The following BLOC1S2 variants were observed in gnomAD, a reference collection of about 807,000 sequenced individuals.
BLOC1S2 encodes the protein biogenesis of lysosomal organelles complex 1 subunit 2.
In BLOC1S2, 12 loss-of-function variants were observed where a neutral mutation model predicts 19.6. That is an observed-to-expected ratio of 0.61 (90% CI 0.39 to 0.99). BLOC1S2 has a LOEUF of 0.99. BLOC1S2 is among the 50% of genes least tolerant of loss of function. BLOC1S2 has a pLI of 0.00. For synonymous variants in BLOC1S2, 66 were observed against 64.1 expected, an observed-to-expected ratio of 1.03 and a Z score of -0.14; for missense variants, 142 against 171.0, an observed-to-expected ratio of 0.83 and a Z score of 0.95.
At position 100,275,315 on chromosome 10, in the gene BLOC1S2, T is replaced by C. The variant is rs1454313055; in HGVS notation, c.*147A>G. The C allele has an allele frequency of 1.3e-6, 1 of 761,020 alleles. No homozygotes were observed. 47.1% of individuals were successfully genotyped at this position (761,020 alleles called of 1,614,324 possible). On this transcript the variant is annotated 3_prime_UTR_variant, in exon 5 of 5. Coordinates refer to ENST00000370372, the MANE Select transcript of BLOC1S2 (RefSeq NM_173809.5). The stretch of plus-strand genomic sequence containing the variant: ...TTCAGGAATAGCCACAGTCCTCCAG[T>C]TTACTCGAACGTTGAGATGTTCCTG...
In BLOC1S2 at chr10:100,286,631, G is replaced by C. The variant is rs774823522; in HGVS notation, c.29C>G (p.Ala10Gly). 1 of 1,611,698 alleles carries C rather than the reference G, an allele frequency of 6.2e-7. No homozygotes were observed. Among genetic ancestry groups the C allele is most frequent in the Non-Finnish European group, 8.5e-7 (1 of 1,178,822 alleles). The change falls in exon 1 of 5, where the codon GCG becomes GGG. Residue 10 changes from alanine to glycine, a missense_variant. Coordinates refer to ENST00000370372, the MANE Select transcript of BLOC1S2 (RefSeq NM_173809.5). ...TCGGGCGGGCTCATCACTCCGGGTC[G>C]CCAGTACGCCCTCGGCTGCCGCCGC... The part of the protein sequence containing the change: MAAAAEGVL[A>G]TRSDEPARDD...
intron 2 of BLOC1S2, among the ~76,000 whole-genome samples, chr10:100,283,102 G>A (rs959693329): frequency 6.6e-6 from 1 of 152,096 alleles, no homozygotes; most frequent in Non-Finnish European, 1.5e-5. Context: ...CACTAAACAT[G>A]GTTCCTCTTT....
intron 4 of BLOC1S2, among the ~76,000 whole-genome samples, chr10:100,279,470 C>T (rs772262630): frequency 1.6e-4 from 24 of 152,136 alleles, no homozygotes; most frequent in Non-Finnish European, 3.2e-4. Context: ...TGTGGTGGCT[C>T]ACACCTATAA....
chr10:100,276,834 C>T (rs1334270254), intron 4 of BLOC1S2, among the ~76,000 whole-genome samples: 1 of 151,850 alleles, frequency 6.6e-6, no homozygotes, highest in African/African-American at 2.4e-5. Context: ...AGTGCAGTGG[C>T]GTGATCTCGG....
At chr10:100,283,516 G>A (rs1344300030) in intron 2 of BLOC1S2, among the ~76,000 whole-genome samples, 1 of 147,284 alleles carries the variant, frequency 6.8e-6, no homozygotes, top group African/African-American at 2.5e-5. Flanking sequence ...ATCTCTCTCT[G>A]TTCTCTCTCC....
intron 4 of BLOC1S2, among the ~76,000 whole-genome samples, chr10:100,278,107 G>C (rs1362439956): frequency 1.1e-5 from 1 of 94,240 alleles, no homozygotes; most frequent in African/African-American, 4.7e-5. Context: ...GGAGGGAGGT[G>C]GGGGGGCGGT....
intron 2 of BLOC1S2, 151 bp from the exon 3 acceptor site, chr10:100,281,204 T>C: frequency 1.1e-6 from 1 of 878,604 alleles, no homozygotes; most frequent in Non-Finnish European, 1.7e-6. Flanking sequence ...TAACTCAGCC[T>C]ATGTACTCTG....
intron 2 of BLOC1S2, 23 bp from the exon 3 acceptor site, chr10:100,281,076 T>A (rs1848090744): frequency 1.2e-6 from 2 of 1,610,054 alleles, no homozygotes; most frequent in Non-Finnish European, 1.7e-6. Flanking sequence ...ACAGAAGATG[T>A]AATGTCTTTA....
rs1222045392 is a variant in BLOC1S2, at chr10:100,286,673, C to G, written c.-14G>C. ...TGCCGCCGCCATAGCGGACCCCGCGCTGTTTCCGGGCCGGGGTGCTGCGCA... is the reference window on the plus strand; with the variant it reads ...TGCCGCCGCCATAGCGGACCCCGCGGTGTTTCCGGGCCGGGGTGCTGCGCA... On this transcript the variant is annotated 5_prime_UTR_variant, in exon 1 of 5. Coordinates refer to ENST00000370372, the MANE Select transcript of BLOC1S2 (RefSeq NM_173809.5). The G allele has an allele frequency of 3.7e-6, 6 of 1,608,526 alleles. No individual in the cohort carries two copies. Among genetic ancestry groups the G allele is most frequent in the Middle Eastern group, 1.7e-4 (1 of 6,008 alleles).
At position 100,274,717 on chromosome 10, in the gene BLOC1S2, T is replaced by C. The variant is rs41290536; in HGVS notation, c.*745A>G. The stretch of plus-strand genomic sequence containing the variant: ...TAGGAAGGTATTTTATAAAATCCTT[T>C]ATTTTATGAGTGGCAATCGTCACCT... On this transcript the variant is annotated 3_prime_UTR_variant, in exon 5 of 5. Coordinates refer to ENST00000370372, the MANE Select transcript of BLOC1S2 (RefSeq NM_173809.5). 22,818 of 364,138 alleles carry C rather than the reference T, an allele frequency of 0.063. 946 individuals are homozygous for C. The highest frequency in any genetic ancestry group is 0.14 in the African/African-American group (6,722 of 48,092). 22.6% of individuals were successfully genotyped at this position (364,138 alleles called of 1,614,324 possible). A position where few individuals can be genotyped will look rare whatever the true frequency, so the allele number is the denominator to read the frequency against.
intron 4 of BLOC1S2, among the ~76,000 whole-genome samples, chr10:100,278,114 C>G (rs372839294): frequency 0.27 from 12,030 of 44,370 alleles, 2,750 homozygotes; most frequent in African/African-American, 0.6. Context: ...GGTGGGGGGG[C>G]GGTCAGCGCC....
intron 4 of BLOC1S2, among the ~76,000 whole-genome samples, chr10:100,278,627 G>C (rs1452860031): frequency 6.6e-6 from 1 of 152,232 alleles, no homozygotes; most frequent in Non-Finnish European, 1.5e-5. Flanking sequence ...ACAGATGCTT[G>C]AAGGCAGCAT....
intron 2 of BLOC1S2, among the ~76,000 whole-genome samples, chr10:100,284,655 T>A (rs565901854): frequency 6.6e-6 from 1 of 152,154 alleles, no homozygotes; most frequent in Non-Finnish European, 1.5e-5. Context: ...CACACCTGGC[T>A]AATTTTTGTA....
At chr10:100,286,421 A>G in intron 1 of BLOC1S2, 184 bp downstream of exon 1, 2 of 1,463,026 alleles carry the variant, frequency 1.4e-6, no homozygotes, top group Non-Finnish European at 1.8e-6. Flanking sequence ...CATACCCGGC[A>G]CCCCCGCTCA....
chr10:100,274,082 T>G lies in BLOC1S2; in HGVS notation c.*1380A>C, dbSNP rs890698811. ...TTCAAGACCAGCCTGGACAACATAG[T>G]GAGACTCCATCTGTATAAAAAATAA... On this transcript the variant is annotated 3_prime_UTR_variant, in exon 5 of 5. Transcript: ENST00000370372. The G allele has an allele frequency of 1.3e-5, 2 of 152,062 alleles. No individual in the cohort carries two copies. The highest frequency in any genetic ancestry group is 6.6e-5 in the Admixed American group (1 of 15,264). The allele number at this position is 152,062 out of a possible 1,614,324, so 9.4% of individuals were successfully genotyped here.
chr10:100,284,036 A>C (rs1470285511), intron 2 of BLOC1S2, among the ~76,000 whole-genome samples: 4 of 152,248 alleles, frequency 2.6e-5, no homozygotes, highest in African/African-American at 9.6e-5. Flanking sequence ...TGCAATATGC[A>C]ATCCTCTTAG....
chr10:100,277,332 G>T (rs1274805774), intron 4 of BLOC1S2, among the ~76,000 whole-genome samples: 4 of 150,608 alleles, frequency 2.7e-5, no homozygotes, highest in Admixed American at 6.6e-5. Context: ...GGAGGGAGGT[G>T]GGGGTCAGCC....
rs1847804278 is a variant in BLOC1S2 at position 100,274,530 on chromosome 10, G to T, written c.*932C>A. The T allele has an allele frequency of 6.4e-6, 1 of 155,618 alleles. No individual in the cohort carries two copies. The highest frequency in any genetic ancestry group is 1.4e-5 in the Non-Finnish European group (1 of 70,514). 9.6% of individuals were successfully genotyped at this position (155,618 alleles called of 1,614,324 possible). ...AAGAAACTCTTTGGGATATGTAATT[G>T]GGGACCTCAGACACCTTCCCAGCTG... On this transcript the variant is annotated 3_prime_UTR_variant, in exon 5 of 5. Transcript: ENST00000370372.
At chr10:100,278,225 C>T (rs1379013636) in intron 4 of BLOC1S2, among the ~76,000 whole-genome samples, 3 of 150,602 alleles carry the variant, frequency 2.0e-5, no homozygotes, top group South Asian at 2.1e-4. Context: ...GTCAGCCCCC[C>T]GCCTGGCCAG....
Sources: gnomAD v4.1 joint callset for allele counts (sites outside exome capture counted in the v4.1 genomes callset) on GRCh38, gnomAD v4.1.1 for gene constraint, MANE v1.5 for transcripts, NCBI Gene and HGNC (gene_info 2026-07-23, HGNC 2026-07-21) for gene names.